The following PRKCI variants were observed in gnomAD, a reference collection of about 807,000 sequenced individuals.
The protein encoded by PRKCI is protein kinase C iota type.
In PRKCI, 43 loss-of-function variants were observed where a neutral mutation model predicts 84.0. The ratio of observed to expected loss-of-function variants is 0.51; its 90% CI spans 0.40 to 0.66. The LOEUF is 0.66. PRKCI is among the 30% of genes least tolerant of loss of function. PRKCI has a pLI of 0.00. For missense variants in PRKCI, 459 were observed against 745.6 expected (o/e 0.62, Z 4.48); for synonymous variants, 216 against 234.4 (o/e 0.92, Z 0.72).
At chr3:170,280,518 G>C (rs1191036245) in intron 9 of PRKCI, 115 bp downstream of exon 9, 1 of 943,368 alleles carries the variant, frequency 1.1e-6, no homozygotes, top group Non-Finnish European at 1.5e-6. Flanking sequence ...GTGCAATCTT[G>C]GCTCACTGCA....
At chr3:170,275,320 A>C (rs1734089946) in intron 8 of PRKCI, 33 bp downstream of exon 8, 1 of 1,568,154 alleles carries the variant, frequency 6.4e-7, no homozygotes, top group Non-Finnish European at 8.6e-7. Context: ...ACATTATATC[A>C]TTAGCTTTTT....
At chr3:170,240,415 A>C (rs1388913934) in intron 2 of PRKCI, among the ~76,000 whole-genome samples, 4 of 152,236 alleles carry the variant, frequency 2.6e-5, no homozygotes, top group African/African-American at 9.6e-5. Context: ...TAAGTTTCCA[A>C]GTTTTCTGGG....
At chr3:170,230,047 C>A (rs868782351) in intron 1 of PRKCI, among the ~76,000 whole-genome samples, 2 of 151,814 alleles carry the variant, frequency 1.3e-5, no homozygotes, top group African/African-American at 4.8e-5. Context: ...TGGAGTTTTT[C>A]GTTTTTATGT....
At chr3:170,230,487 T>C (rs568582890) in intron 1 of PRKCI, among the ~76,000 whole-genome samples, 253 of 142,878 alleles carry the variant, frequency 1.8e-3, no homozygotes, top group South Asian at 5.6e-3. Context: ...TGCGCCACCA[T>C]GTCCGGCTAA....
chr3:170,226,887 G>T (rs9290382), intron 1 of PRKCI, among the ~76,000 whole-genome samples: 11,979 of 152,092 alleles, frequency 0.079, 1,324 homozygotes, highest in African/African-American at 0.24. Flanking sequence ...AAAAAATAGA[G>T]CATGCTAGCC....
chr3:170,305,176 T>TC lies in PRKCI; in HGVS notation c.*2052dup, dbSNP rs1376573459. The stretch of plus-strand genomic sequence containing the variant: ...GGCCTTGCTTTTAAGTGGTGCTGTT[T>TC]CCCATAGGGCATTAGTTCTCAGATT... On this transcript the variant is annotated 3_prime_UTR_variant, in exon 18 of 18. Coordinates refer to ENST00000295797, the MANE Select transcript of PRKCI (RefSeq NM_002740.6). 1 of 152,658 alleles carries TC rather than the reference T, an allele frequency of 6.6e-6. No homozygotes were observed. Among genetic ancestry groups the TC allele is most frequent in the African/African-American group, 2.4e-5 (1 of 41,466 alleles). 9.5% of individuals were successfully genotyped at this position (152,658 alleles called of 1,614,324 possible).
At chr3:170,277,288 T>A (rs1734139595) in intron 8 of PRKCI, among the ~76,000 whole-genome samples, 3 of 150,688 alleles carry the variant, frequency 2.0e-5, no homozygotes, top group South Asian at 2.1e-4. Context: ...TGAACAGACA[T>A]ATCTCAAAAT....
intron 2 of PRKCI, among the ~76,000 whole-genome samples, chr3:170,241,208 C>G (rs1240172003): frequency 6.6e-6 from 1 of 152,110 alleles, no homozygotes; most frequent in Non-Finnish European, 1.5e-5. Flanking sequence ...TTAAAATCCA[C>G]TCTTTTTGTT....
At chr3:170,276,506 C>G (rs1734119925) in intron 8 of PRKCI, among the ~76,000 whole-genome samples, 1 of 151,336 alleles carries the variant, frequency 6.6e-6, no homozygotes, top group African/African-American at 2.4e-5. Flanking sequence ...GCACAGGCAC[C>G]CGTGCAGTGG....
intron 8 of PRKCI, among the ~76,000 whole-genome samples, chr3:170,276,345 CACTT>C (rs961304281): frequency 2.6e-5 from 4 of 152,198 alleles, no homozygotes; most frequent in African/African-American, 9.7e-5. Flanking sequence ...TTTGTCTACT[CACTT>C]CCCTCACTCC....
rs1175758041 is a variant in PRKCI, at chr3:170,305,626, T to A, written c.*2499T>A. On this transcript the variant is annotated 3_prime_UTR_variant, in exon 18 of 18. Transcript: ENST00000295797. ...AGAAATGCATTATAAATGTTTTTAA[T>A]TGTGTTCTGTTTTTTGCAGTCTTTA... 1 of 152,194 alleles carries A rather than the reference T, an allele frequency of 6.6e-6. No individual in the cohort carries two copies. Among genetic ancestry groups the A allele is most frequent in the Non-Finnish European group, 1.5e-5 (1 of 68,030 alleles). The allele number at this position is 152,194 out of a possible 1,614,324, so 9.4% of individuals were successfully genotyped here.
At chr3:170,227,528 T>C (rs1446916260) in intron 1 of PRKCI, among the ~76,000 whole-genome samples, 1 of 152,242 alleles carries the variant, frequency 6.6e-6, no homozygotes, top group Admixed American at 6.5e-5. Context: ...TTTTAAAGGA[T>C]AACTAGGAGT....
Position 170,284,564 on chromosome 3 carries a change from C to T in PRKCI, c.1171C>T (p.His391Tyr). 3 of 1,612,538 alleles carry T rather than the reference C, an allele frequency of 1.9e-6. No homozygotes were observed. The highest frequency in any genetic ancestry group is 2.5e-6 in the Non-Finnish European group (3 of 1,179,600). ...CAATGTATTACTGGACTCTGAAGGC[C>T]ACATTAAACTCACTGACTACGGCAT... ...LDNVLLDSEGHIKLTDYGMCK... is the reference protein window; with the variant it reads ...LDNVLLDSEGYIKLTDYGMCK... The change falls in exon 12 of 18, where the codon CAC becomes TAC. Residue 391 changes from histidine to tyrosine, a missense_variant. Physicochemically the swap from His to Tyr is moderately conservative, Grantham distance 83. This residue lies in a region of PRKCI where 209 missense variants were observed against 425.9 expected (regional missense o/e 0.49). Transcript: ENST00000295797.
In PRKCI at chr3:170,265,810, T is replaced by C. The variant is rs1473820268; in HGVS notation, c.365-2105T>C. On this transcript the variant is annotated intron_variant, in intron 4 of 17. Transcript: ENST00000295797. ...TATTTTTAGTAGAGATGGGGTTTTGTATTTTTAGTAGAGTGCTAGCCAGGA... is the reference window on the plus strand; with the variant it reads ...TATTTTTAGTAGAGATGGGGTTTTGCATTTTTAGTAGAGTGCTAGCCAGGA... 2.6e-5 allele frequency among the ~76,000 whole-genome samples: 4 copies of C among 151,660 alleles called. No individual in the cohort carries two copies. In the South Asian group the frequency reaches 6.2e-4, roughly 24 times the overall value.
At chr3:170,259,505 A>C (rs145904819) in intron 2 of PRKCI, among the ~76,000 whole-genome samples, 130 of 151,652 alleles carry the variant, frequency 8.6e-4, no homozygotes, top group African/African-American at 2.9e-3. Flanking sequence ...TGTCTAAATA[A>C]ATATCTAAAT....
chr3:170,295,675 CAAAAAAA>C (rs542714146), intron 14 of PRKCI, among the ~76,000 whole-genome samples: 1 of 84,440 alleles, frequency 1.2e-5, no homozygotes. Flanking sequence ...GACTCCATCT[CAAAAAAA>C]AAAAAAAAAA....
At chr3:170,262,517 G>A (rs143388850) in intron 3 of PRKCI, among the ~76,000 whole-genome samples, 1 of 152,262 alleles carries the variant, frequency 6.6e-6, no homozygotes, top group African/African-American at 2.4e-5. Flanking sequence ...GTCTCATTCT[G>A]TCACCTGGGC....
rs139541854 is a variant in PRKCI at position 170,265,453 on chromosome 3, T to C, written c.364+2024T>C. Among the ~76,000 whole-genome samples the C allele has an allele frequency of 4.1e-3, 621 of 152,316 alleles. 2 individuals are homozygous for C. Among genetic ancestry groups the C allele is most frequent in the Middle Eastern group, 0.014 (4 of 294 alleles). The stretch of plus-strand genomic sequence containing the variant: ...TAATGTAATTTAATATGCAAACTTA[T>C]GTTTGATTGTAAGTTATTGCTTTTG... On this transcript the variant is annotated intron_variant, in intron 4 of 17. Transcript: ENST00000295797.
intron 1 of PRKCI, among the ~76,000 whole-genome samples, chr3:170,234,522 A>C (rs77359580): frequency 2.0e-5 from 3 of 152,184 alleles, no homozygotes; most frequent in African/African-American, 4.8e-5. Context: ...CAGTGTAACT[A>C]ATTTTTTCCC....
Sources: gnomAD v4.1 joint callset for allele counts (sites outside exome capture counted in the v4.1 genomes callset) on GRCh38, gnomAD v4.1.1 for gene constraint, gnomAD v4.1.1 regional missense constraint, MANE v1.5 for transcripts, NCBI Gene and HGNC (gene_info 2026-07-23, HGNC 2026-07-21) for gene names.